GPR137B: variants seen among roughly 807,000 people sequenced by gnomAD.
GPR137B encodes G protein-coupled receptor 137B, also known as integral membrane protein GPR137B.
In GPR137B, 42 loss-of-function variants were observed where a neutral mutation model predicts 42.5. That is an observed-to-expected ratio of 0.99 (90% CI 0.77 to 1.28). The LOEUF (loss-of-function observed/expected upper bound fraction) is 1.28, where lower values mean the gene tolerates loss of function less well. Among genes scored for constraint, GPR137B ranks in the 50% most tolerant of loss-of-function variants. GPR137B has a pLI of 0.00. For missense variants in GPR137B, 487 were observed against 493.9 expected, an observed-to-expected ratio of 0.99 and a Z score of 0.13; for synonymous variants, 218 against 209.7, an observed-to-expected ratio of 1.04 and a Z score of -0.34.
chr1:236,149,897 T>A (rs1661795504), intron 1 of GPR137B, among the ~76,000 whole-genome samples: 1 of 152,170 alleles, frequency 6.6e-6, no homozygotes, highest in African/African-American at 2.4e-5. Flanking sequence ...TGTGTGTATG[T>A]ACATGTGTGC....
chr1:236,189,441 T>C (rs1328890509), intron 5 of GPR137B, among the ~76,000 whole-genome samples: 1 of 152,216 alleles, frequency 6.6e-6, no homozygotes, highest in East Asian at 1.9e-4. Context: ...TCCTGCTTTC[T>C]CTTGTGGGCA....
chr1:236,190,148 C>CT (rs34520510), intron 5 of GPR137B, among the ~76,000 whole-genome samples: 1,300 of 119,316 alleles, frequency 0.011, 14 homozygotes, highest in African/African-American at 0.028. Context: ...CCTGCTTCTT[C>CT]TTTTTTTTTT....
intron 1 of GPR137B, among the ~76,000 whole-genome samples, chr1:236,166,513 T>C (rs1275404166): frequency 7.0e-6 from 1 of 142,308 alleles, no homozygotes. Context: ...TTTATATATA[T>C]ACATTATATA....
At chr1:236,147,024 G>T (rs1371528420) in intron 1 of GPR137B, among the ~76,000 whole-genome samples, 3 of 152,226 alleles carry the variant, frequency 2.0e-5, no homozygotes, top group African/African-American at 7.2e-5. Flanking sequence ...GGCCAGGCTG[G>T]TTTTGAACTC....
intron 1 of GPR137B, among the ~76,000 whole-genome samples, chr1:236,154,373 A>G (rs1422516306): frequency 1.3e-5 from 2 of 151,862 alleles, no homozygotes; most frequent in African/African-American, 2.4e-5. Context: ...GACAGCATAT[A>G]TTGTGTCTTC....
chr1:236,177,327 CCT>C (rs2102909444), intron 2 of GPR137B, among the ~76,000 whole-genome samples: 1 of 152,112 alleles, frequency 6.6e-6, no homozygotes, highest in Non-Finnish European at 1.5e-5. Context: ...TCTCTGTCTG[CCT>C]CTTTCTCTCT....
At chr1:236,184,123 A>G (rs977821930) in intron 5 of GPR137B, among the ~76,000 whole-genome samples, 4 of 152,210 alleles carry the variant, frequency 2.6e-5, no homozygotes, top group African/African-American at 9.6e-5. Context: ...AAATGAAACT[A>G]TTATAAGTTG....
At chr1:236,146,004 C>A (rs1661671921) in intron 1 of GPR137B, among the ~76,000 whole-genome samples, 1 of 152,248 alleles carries the variant, frequency 6.6e-6, no homozygotes, top group East Asian at 1.9e-4. Flanking sequence ...ATTACAGGCA[C>A]CTGCCACTGC....
chr1:236,182,171 G>A (rs575484152), intron 4 of GPR137B, among the ~76,000 whole-genome samples: 5 of 152,170 alleles, frequency 3.3e-5, no homozygotes, highest in African/African-American at 4.8e-5. Flanking sequence ...GATTATAGGC[G>A]TCAGCCACCG....
intron 1 of GPR137B, 33 bp from the exon 2 acceptor site, chr1:236,168,673 A>AC: frequency 6.3e-7 from 1 of 1,579,154 alleles, no homozygotes; most frequent in South Asian, 1.1e-5. Flanking sequence ...AACATATTGG[A>AC]CCCCAACCTG....
At chr1:236,185,720 C>T (rs886841659) in intron 5 of GPR137B, among the ~76,000 whole-genome samples, 1 of 152,186 alleles carries the variant, frequency 6.6e-6, no homozygotes, top group Non-Finnish European at 1.5e-5. Context: ...GTTGCCCAGG[C>T]TGGTCTCAAA....
chr1:236,195,223 C>CT lies in GPR137B; in HGVS notation c.967-9890dup, dbSNP rs57688252. Among the ~76,000 whole-genome samples the CT allele has an allele frequency of 4.4e-3, 627 of 143,990 alleles. 7 individuals carry two copies. Among genetic ancestry groups the CT allele is most frequent in the African/African-American group, 0.012 (461 of 39,618 alleles). 94.5% of individuals were successfully genotyped at this position (143,990 alleles called of 152,430 possible). A position where few individuals can be genotyped will look rare whatever the true frequency, so the allele number is the denominator to read the frequency against. The stretch of plus-strand genomic sequence containing the variant: ...TAAGTCTTATTCATTCACTAAAATT[C>CT]TTTTTTTTTTTTTCCCCATTAACCA... On this transcript the variant is annotated intron_variant, in intron 5 of 6. Coordinates refer to ENST00000366592, the MANE Select transcript of GPR137B (RefSeq NM_003272.4).
At chr1:236,169,403 T>C (rs1018611026) in intron 2 of GPR137B, among the ~76,000 whole-genome samples, 4 of 152,220 alleles carry the variant, frequency 2.6e-5, no homozygotes, top group African/African-American at 9.6e-5. Flanking sequence ...AGGGTATCCA[T>C]CCACATCCAG....
intron 4 of GPR137B, among the ~76,000 whole-genome samples, chr1:236,182,302 C>T (rs1662909216): frequency 6.6e-6 from 1 of 152,186 alleles, no homozygotes; most frequent in South Asian, 2.1e-4. Flanking sequence ...TAAACTGAAA[C>T]TCTGTATCCA....
At chr1:236,189,656 T>C (rs1663132609) in intron 5 of GPR137B, among the ~76,000 whole-genome samples, 1 of 152,224 alleles carries the variant, frequency 6.6e-6, no homozygotes, top group Non-Finnish European at 1.5e-5. Context: ...TGAGTTCTAA[T>C]TTGATTGCAC....
At chr1:236,144,545 G>A (rs1661629730) in intron 1 of GPR137B, among the ~76,000 whole-genome samples, 1 of 152,248 alleles carries the variant, frequency 6.6e-6, no homozygotes, top group Non-Finnish European at 1.5e-5. Context: ...TTTGTAGATA[G>A]TATAATCTTT....
At position 236,150,017 on chromosome 1, in the gene GPR137B, G is replaced by A. The variant is rs968229014; in HGVS notation, c.414+6981G>A. Among the ~76,000 whole-genome samples the A allele has an allele frequency of 1.3e-5, 2 of 149,108 alleles. No homozygotes were observed. The highest frequency in any genetic ancestry group is 3.0e-5 in the Non-Finnish European group (2 of 67,542). ...TGTATGTGTGCCTGTGTGTGTGCCTGTGTGTGTACCTGTGTGTGTGTGTGC... is the reference window on the plus strand; with the variant it reads ...TGTATGTGTGCCTGTGTGTGTGCCTATGTGTGTACCTGTGTGTGTGTGTGC... On this transcript the variant is annotated intron_variant, in intron 1 of 6. Transcript: ENST00000366592. The surrounding 1 kb of genome is among the most constrained non-coding windows in gnomAD (Gnocchi z 6.2).
intron 5 of GPR137B, among the ~76,000 whole-genome samples, chr1:236,191,810 C>G (rs1319180297): frequency 6.6e-6 from 1 of 152,200 alleles, no homozygotes; most frequent in Non-Finnish European, 1.5e-5. Context: ...GGGTCATCGA[C>G]CCACTGAAGG....
intron 5 of GPR137B, among the ~76,000 whole-genome samples, chr1:236,195,416 T>C (rs115410296): frequency 0.11 from 16,143 of 152,218 alleles, 1,101 homozygotes; most frequent in East Asian, 0.21. Context: ...AGTTCATCCA[T>C]GTTGTTCCAA....
Sources: gnomAD v4.1 joint callset for allele counts (sites outside exome capture counted in the v4.1 genomes callset) on GRCh38, gnomAD v4.1.1 for gene constraint, Gnocchi (gnomAD v3.1) non-coding constraint, MANE v1.5 for transcripts, NCBI Gene and HGNC (gene_info 2026-07-23, HGNC 2026-07-21) for gene names.